The following SETD4 variants were observed in gnomAD, a reference collection of about 807,000 sequenced individuals.
The protein encoded by SETD4 is SET domain-containing protein 4.
In SETD4, 46 loss-of-function variants were observed where a neutral mutation model predicts 58.3. The ratio of observed to expected loss-of-function variants is 0.79; its 90% confidence interval spans 0.62 to 1.01. The LOEUF is 1.01. Ranked by LOEUF, SETD4 falls within the 50% of genes least tolerant of loss-of-function variation. SETD4 has a pLI of 0.00. For synonymous variants in SETD4, 190 were observed against 202.6 expected (o/e 0.94, Z 0.53); for missense variants, 490 against 523.3 (o/e 0.94, Z 0.62).
In SETD4 at chr21:36,034,967, A is replaced by G. The variant is rs971804496; in HGVS notation, c.*1026T>C. The G allele has an allele frequency of 6.6e-6, 1 of 152,210 alleles. No individual in the cohort carries two copies. Among genetic ancestry groups the G allele is most frequent in the Non-Finnish European group, 1.5e-5 (1 of 68,034 alleles). 9.4% of individuals were successfully genotyped at this position (152,210 alleles called of 1,614,324 possible). The stretch of plus-strand genomic sequence containing the variant: ...GTTCAAGAAATCATGAGAAAGTTTT[A>G]TTTTAAACTCTGCCTGCCTCCTGAG... On this transcript the variant is annotated 3_prime_UTR_variant, in exon 12 of 12. Coordinates refer to ENST00000332131, the MANE Select transcript of SETD4 (RefSeq NM_017438.5).
intron 4 of SETD4, chr21:36,050,895 C>T (rs2064645505): frequency 6.2e-7 from 1 of 1,610,566 alleles, no homozygotes; most frequent in Middle Eastern, 1.7e-4. Flanking sequence ...TGGGAGAATG[C>T]AAAGCAACTG....
At chr21:36,059,788 C>A in intron 1 of SETD4, 2 of 985,458 alleles carry the variant, frequency 2.0e-6, no homozygotes, top group Non-Finnish European at 2.4e-6. Flanking sequence ...AATATTAATA[C>A]CGCACTTCCG....
At chr21:36,046,671 C>T (rs2064346319) in intron 5 of SETD4, among the ~76,000 whole-genome samples, 1 of 152,180 alleles carries the variant, frequency 6.6e-6, no homozygotes, top group South Asian at 2.1e-4. Context: ...AGTTCTAAAG[C>T]TTTTATTCCT....
intron 4 of SETD4, among the ~76,000 whole-genome samples, chr21:36,049,118 G>A (rs990376906): frequency 1.4e-4 from 22 of 152,076 alleles, no homozygotes; most frequent in Admixed American, 1.2e-3. Context: ...CAAGAGTATC[G>A]TTTTCAGTGT....
intron 2 of SETD4, among the ~76,000 whole-genome samples, chr21:36,058,348 A>C (rs1035280001): frequency 6.6e-6 from 1 of 152,060 alleles, no homozygotes. Context: ...AATTTAAAAA[A>C]ACATTAGCCG....
At chr21:36,054,255 C>T (rs182973951) in intron 3 of SETD4, among the ~76,000 whole-genome samples, 2 of 152,310 alleles carry the variant, frequency 1.3e-5, no homozygotes, top group African/African-American at 4.8e-5. Flanking sequence ...GCATTAATAC[C>T]AATTAATTCA....
chr21:36,036,240 CAT>C lies in SETD4; in HGVS notation c.1198_1199del (p.Met400GlufsTer3). ...TTATCAGGGCCTCTTTTTCATCCTT[CAT>C]ATGAGACACCTGAAAGTTATTTTTT... ...TNAVLQKVSH[M>X]KDEKEALINQ... On this transcript the variant is annotated frameshift_variant, in exon 11 of 12. Transcript: ENST00000332131. LOFTEE classifies it high-confidence loss of function. 6.3e-7 allele frequency: 1 copy of C among 1,593,808 alleles called. No homozygotes were observed. The highest frequency in any genetic ancestry group is 8.5e-7 in the Non-Finnish European group (1 of 1,174,192).
chr21:36,038,002 A>C, intron 10 of SETD4, 148 bp downstream of exon 10: 2 of 1,007,688 alleles, frequency 2.0e-6, no homozygotes, highest in Middle Eastern at 3.4e-4. Context: ...ATCTCAAAGA[A>C]AACAAAAATA....
At chr21:36,040,780 G>A (rs77527321) in intron 8 of SETD4, 125 bp from the exon 9 acceptor site, 8 of 755,072 alleles carry the variant, frequency 1.1e-5, no homozygotes, top group East Asian at 1.0e-4. Context: ...CTGCAACCTC[G>A]GCCAAAGGAC....
At chr21:36,040,831 A>G (rs1353437130) in intron 8 of SETD4, among the ~76,000 whole-genome samples, 176 bp from the exon 9 acceptor site, 1 of 152,184 alleles carries the variant, frequency 6.6e-6, no homozygotes, top group African/African-American at 2.4e-5. Context: ...AGAAAGCCTA[A>G]GTAACAGGAA....
intron 2 of SETD4, 25 bp downstream of exon 2, chr21:36,058,791 A>C: frequency 6.4e-7 from 1 of 1,572,284 alleles, no homozygotes; most frequent in Middle Eastern, 1.7e-4. Context: ...TTTTTTCATT[A>C]CTGGTACTAA....
At chr21:36,050,950 G>A (rs1253781056) in intron 4 of SETD4, 2 of 1,609,104 alleles carry the variant, frequency 1.2e-6, no homozygotes, top group African/African-American at 2.7e-5. Flanking sequence ...AGTGAACAAG[G>A]GAAGCAGCTA....
At chr21:36,053,520 G>A in intron 4 of SETD4, 63 bp downstream of exon 4, 1 of 1,558,702 alleles carries the variant, frequency 6.4e-7, no homozygotes, top group South Asian at 1.1e-5. Context: ...CACTTCGTTT[G>A]AACCGCAAAA....
At chr21:36,054,319 T>C (rs986787056) in intron 3 of SETD4, among the ~76,000 whole-genome samples, 1 of 152,248 alleles carries the variant, frequency 6.6e-6, no homozygotes, top group Non-Finnish European at 1.5e-5. Flanking sequence ...TCTCCCTTCA[T>C]GCCTAAGCTT....
chr21:36,051,538 C>T (rs563610098), intron 4 of SETD4, among the ~76,000 whole-genome samples: 5 of 152,256 alleles, frequency 3.3e-5, no homozygotes, highest in African/African-American at 4.8e-5. Flanking sequence ...ACGAGACCCC[C>T]GCTAGTAAGA....
rs2064098296 is a variant in SETD4, at chr21:36,042,202, C to G, written c.902-314G>C. On this transcript the variant is annotated intron_variant, in intron 7 of 11. Coordinates refer to ENST00000332131, the MANE Select transcript of SETD4 (RefSeq NM_017438.5). ...AGCATGACTGTTGAAAATTTACAGT[C>G]AACAAAAGTAGAGGCCCTGCAAAAA... 1.7e-5 allele frequency: 3 copies of G among 177,330 alleles called. No individual in the cohort carries two copies. The South Asian group carries it at 4.5e-4, about 26-fold the overall frequency. 11.0% of individuals were successfully genotyped at this position (177,330 alleles called of 1,614,324 possible). A position where few individuals can be genotyped will look rare whatever the true frequency, so the allele number is the denominator to read the frequency against.
intron 4 of SETD4, chr21:36,050,088 G>C (rs549968812): frequency 3.2e-6 from 2 of 619,954 alleles, no homozygotes; most frequent in Non-Finnish European, 2.9e-6. Flanking sequence ...ACTCTAACTC[G>C]GGGACAGAAG....
intron 5 of SETD4, 87 bp from the exon 6 acceptor site, chr21:36,046,098 G>A: frequency 7.0e-7 from 1 of 1,420,000 alleles, no homozygotes; most frequent in East Asian, 2.3e-5. Context: ...GCCAGAAGGA[G>A]TGTGTTCAAA....
At position 36,058,867 on chromosome 21, in the gene SETD4, T is replaced by C; in HGVS notation, c.22A>G (p.Thr8Ala). 2 of 1,602,054 alleles carry C rather than the reference T, an allele frequency of 1.2e-6. No individual in the cohort carries two copies. The highest frequency in any genetic ancestry group is 8.5e-7 in the Non-Finnish European group (1 of 1,175,696). MQKGKGR[T>A]SRIRRRKLCG... ...AGTTTTCGTCTTCTGATCCGGCTTGTTCTCCCTTTTCCTTTCTGCATGCTA... is the reference window on the plus strand; with the variant it reads ...AGTTTTCGTCTTCTGATCCGGCTTGCTCTCCCTTTTCCTTTCTGCATGCTA... The change falls in exon 2 of 12, where the codon ACA becomes GCA. Residue 8 changes from threonine (T) to alanine (A), a missense_variant. Thr to Ala is a moderately conservative substitution (Grantham distance 58). Coordinates refer to ENST00000332131, the MANE Select transcript of SETD4 (RefSeq NM_017438.5).
Sources: gnomAD v4.1 joint callset for allele counts (sites outside exome capture counted in the v4.1 genomes callset) on GRCh38, gnomAD v4.1.1 for gene constraint, MANE v1.5 for transcripts, NCBI Gene and HGNC (gene_info 2026-07-23, HGNC 2026-07-21) for gene names.